MMP10: variants seen among roughly 807,000 people sequenced by gnomAD.
MMP10 encodes the protein matrix metallopeptidase 10.
MMP10 carries 50 observed loss-of-function variants against 49.1 expected under a neutral mutation model. That is an observed-to-expected ratio of 1.02 (90% CI 0.81 to 1.29). The LOEUF (loss-of-function observed/expected upper bound fraction) is 1.29, where lower values mean the gene tolerates loss of function less well. Among genes scored for constraint, MMP10 ranks in the 50% most tolerant of loss-of-function variants. The pLI is 0.00. For synonymous variants in MMP10, 229 were observed against 201.6 expected, an observed-to-expected ratio of 1.14 and a Z score of -1.15; for missense variants, 613 against 563.8, an observed-to-expected ratio of 1.09 and a Z score of -0.88.
chr11:102,773,954 G>T (rs1383866737), intron 7 of MMP10, among the ~76,000 whole-genome samples: 2 of 152,218 alleles, frequency 1.3e-5, no homozygotes, highest in East Asian at 3.8e-4. Context: ...ATATGTAAAT[G>T]TGAGATACAT....
At chr11:102,778,600 G>A (rs772996988) in intron 4 of MMP10, 24 bp downstream of exon 4, 16 of 1,611,646 alleles carry the variant, frequency 9.9e-6, no homozygotes, top group Non-Finnish European at 1.3e-5. Context: ...TTCCTGAAAT[G>A]TTCCCGAGAG....
Position 102,772,125 on chromosome 11 carries a change from A to C in MMP10, c.1227-10T>G. 6.6e-7 allele frequency: 1 copy of C among 1,522,414 alleles called. No homozygotes were observed. The allele number at this position is 1,522,414 out of a possible 1,614,324, so 94.3% of individuals were successfully genotyped here. A position where few individuals can be genotyped will look rare whatever the true frequency, so the allele number is the denominator to read the frequency against. The stretch of plus-strand genomic sequence containing the variant: ...GCTATTTTCATCAAATCTAAACCAA[A>C]TGAAAGAAATACAGTTCAATGATGT... On this transcript the variant is annotated splice_polypyrimidine_tract_variant and intron_variant, in intron 8 of 9. Coordinates refer to ENST00000279441, the MANE Select transcript of MMP10 (RefSeq NM_002425.3). This position sits in a 1 kb window ranked among gnomAD's most constrained non-coding sequence, Gnocchi z 4.4.
At chr11:102,771,403 A>G (rs1424526323) in intron 9 of MMP10, among the ~76,000 whole-genome samples, 1 of 152,218 alleles carries the variant, frequency 6.6e-6, no homozygotes, top group African/African-American at 2.4e-5. Flanking sequence ...TTTAGTAACA[A>G]GATCATCAGC....
Position 102,779,075 on chromosome 11 carries a change from C to T in MMP10, c.496+138G>A. 8 of 1,275,258 alleles carry T rather than the reference C, an allele frequency of 6.3e-6. 1 individual carries two copies. The highest frequency in any genetic ancestry group is 4.6e-5 in the South Asian group (3 of 64,940). 79.0% of individuals were successfully genotyped at this position (1,275,258 alleles called of 1,614,324 possible). A position where few individuals can be genotyped will look rare whatever the true frequency, so the allele number is the denominator to read the frequency against. On this transcript the variant is annotated intron_variant, in intron 3 of 9. Transcript: ENST00000279441. ...CATCAGACACTAAATCTGCTGGCAC[C>T]TTAATCTTGGACTTCCCAGCCTCCA...
At chr11:102,775,405 T>G in intron 6 of MMP10, 84 bp from the exon 7 acceptor site, 1 of 1,148,564 alleles carries the variant, frequency 8.7e-7, no homozygotes, top group Non-Finnish European at 1.2e-6. Context: ...TCCATGCTAA[T>G]TCACCCATTC....
Position 102,770,775 on chromosome 11 carries a change from G to A in MMP10, c.*18C>T. ...AGATTTATTAAAAACACCCATATCTGTCTTCCCCCTATCTCGCCTAGCAAT... is the reference window on the plus strand; with the variant it reads ...AGATTTATTAAAAACACCCATATCTATCTTCCCCCTATCTCGCCTAGCAAT... On this transcript the variant is annotated 3_prime_UTR_variant, in exon 10 of 10. Coordinates refer to ENST00000279441, the MANE Select transcript of MMP10 (RefSeq NM_002425.3). The A allele has an allele frequency of 6.6e-7, 1 of 1,506,736 alleles. No homozygotes were observed. The highest frequency in any genetic ancestry group is 9.1e-7 in the Non-Finnish European group (1 of 1,093,384). The allele number at this position is 1,506,736 out of a possible 1,614,324, so 93.3% of individuals were successfully genotyped here. A position where few individuals can be genotyped will look rare whatever the true frequency, so the allele number is the denominator to read the frequency against.
chr11:102,779,375 A>T lies in MMP10; in HGVS notation c.348-14T>A, dbSNP rs1857792284. ...TAATTCACAATCCTGGAGGAGAAAA[A>T]TTGAAGAGGATGTTATTTTCTCCTG... On this transcript the variant is annotated splice_polypyrimidine_tract_variant and intron_variant, in intron 2 of 9. Coordinates refer to ENST00000279441, the MANE Select transcript of MMP10 (RefSeq NM_002425.3). 1.9e-6 allele frequency: 3 copies of T among 1,612,664 alleles called. No individual in the cohort carries two copies. Among genetic ancestry groups the T allele is most frequent in the Non-Finnish European group, 2.5e-6 (3 of 1,179,688 alleles).
intron 1 of MMP10, 71 bp from the exon 2 acceptor site, chr11:102,779,816 G>T: frequency 2.0e-6 from 3 of 1,501,096 alleles, no homozygotes; most frequent in African/African-American, 1.4e-5. Flanking sequence ...ATAATCCATC[G>T]TAATTTTCCT....
At chr11:102,777,345 G>C (rs1857754999) in intron 4 of MMP10, among the ~76,000 whole-genome samples, 1 of 151,900 alleles carries the variant, frequency 6.6e-6, no homozygotes, top group Non-Finnish European at 1.5e-5. Flanking sequence ...CCAGGCTGGA[G>C]TATGTGTCCA....
At chr11:102,776,199 A>G (rs1857730029) in intron 6 of MMP10, 81 bp downstream of exon 6, 5 of 1,304,426 alleles carry the variant, frequency 3.8e-6, no homozygotes, top group African/African-American at 1.5e-5. Flanking sequence ...TTAAAAAAAA[A>G]GCTCTGTCAA....
chr11:102,775,382 CTT>C, intron 6 of MMP10, 61 bp from the exon 7 acceptor site: 1 of 1,407,516 alleles, frequency 7.1e-7, no homozygotes. Flanking sequence ...AAAAAAAATT[CTT>C]TTTTTTTAAA....
At chr11:102,780,058 T>G (rs1857805504) in intron 1 of MMP10, among the ~76,000 whole-genome samples, 1 of 152,224 alleles carries the variant, frequency 6.6e-6, no homozygotes, top group Non-Finnish European at 1.5e-5. Flanking sequence ...ACATTGTTAT[T>G]ATAGACCTGG....
At position 102,779,883 on chromosome 11, in the gene MMP10, C is replaced by A. The variant is rs544921690; in HGVS notation, c.106-138G>T. The A allele has an allele frequency of 2.2e-5, 21 of 967,570 alleles. No individual in the cohort carries two copies. The East Asian group carries it at 3.4e-4, about 16-fold the overall frequency. The allele number at this position is 967,570 out of a possible 1,614,324, so 59.9% of individuals were successfully genotyped here. A position where few individuals can be genotyped will look rare whatever the true frequency, so the allele number is the denominator to read the frequency against. Reference sequence around the variant, plus strand: ...TTTAATTTGATTTTTCATTAAGACTCCCCATTTCATACAAATTTTTAAATT... The same window carrying A: ...TTTAATTTGATTTTTCATTAAGACTACCCATTTCATACAAATTTTTAAATT... On this transcript the variant is annotated intron_variant, in intron 1 of 9. Coordinates refer to ENST00000279441, the MANE Select transcript of MMP10 (RefSeq NM_002425.3).
chr11:102,776,471 T>C, intron 5 of MMP10, 47 bp from the exon 6 acceptor site: 1 of 1,600,688 alleles, frequency 6.2e-7, no homozygotes, highest in East Asian at 2.2e-5. Flanking sequence ...AAAAATGTGA[T>C]GCATCTGTCA....
At chr11:102,779,478 A>G (rs1336019903) in intron 2 of MMP10, 26 bp downstream of exon 2, 3 of 1,612,366 alleles carry the variant, frequency 1.9e-6, no homozygotes, top group Non-Finnish European at 2.5e-6. Context: ...TTTCAATATT[A>G]TGTGAAAACT....
rs1275544127 is a variant in MMP10, at chr11:102,770,602, G to A, written c.*191C>T. 1 of 503,742 alleles carries A rather than the reference G, an allele frequency of 2.0e-6. No homozygotes were observed. Among genetic ancestry groups the A allele is most frequent in the African/African-American group, 2.0e-5 (1 of 50,728 alleles). The allele number at this position is 503,742 out of a possible 1,614,324, so 31.2% of individuals were successfully genotyped here. A position where few individuals can be genotyped will look rare whatever the true frequency, so the allele number is the denominator to read the frequency against. The stretch of plus-strand genomic sequence containing the variant: ...TTGCACATGAGTATTTCTTAATTCT[G>A]TTCAGTGCAATTCAAAAGCAAGTGA... On this transcript the variant is annotated 3_prime_UTR_variant, in exon 10 of 10. Coordinates refer to ENST00000279441, the MANE Select transcript of MMP10 (RefSeq NM_002425.3).
At position 102,776,776 on chromosome 11, in the gene MMP10, C is replaced by T. The variant is rs1385347247; in HGVS notation, c.623G>A (p.Gly208Asp). Residue 208 changes from glycine to aspartate, a missense_variant and splice_region_variant, in exon 5 of 10, where the codon GGC becomes GAC. Physicochemically the swap from Gly to Asp is moderately conservative, Grantham distance 94. Coordinates refer to ENST00000279441, the MANE Select transcript of MMP10 (RefSeq NM_002425.3). ...AGCAGCAACGAGGAATAAATTGGTG[C>T]CTGTATGAAAATCATAAATGTTCAG... ...DDEKWTEDAS[G>D]TNLFLVAAHE... 9 of 1,613,728 alleles carry T rather than the reference C, an allele frequency of 5.6e-6. No individual in the cohort carries two copies. Among genetic ancestry groups the T allele is most frequent in the Non-Finnish European group, 5.9e-6 (7 of 1,179,884 alleles).
chr11:102,774,506 A>C (rs1282487711), intron 7 of MMP10, among the ~76,000 whole-genome samples: 1 of 152,150 alleles, frequency 6.6e-6, no homozygotes, highest in Non-Finnish European at 1.5e-5. Context: ...CAGTATTAAG[A>C]ATGAAAAAGA....
chr11:102,771,724 G>C (rs1861977172), intron 9 of MMP10, among the ~76,000 whole-genome samples: 1 of 152,020 alleles, frequency 6.6e-6, no homozygotes, highest in African/African-American at 2.4e-5. Flanking sequence ...CCAACATAGT[G>C]ACCTGAAAGA....
Sources: gnomAD v4.1 joint callset for allele counts (sites outside exome capture counted in the v4.1 genomes callset) on GRCh38, gnomAD v4.1.1 for gene constraint, Gnocchi (gnomAD v3.1) non-coding constraint, MANE v1.5 for transcripts, NCBI Gene and HGNC (gene_info 2026-07-23, HGNC 2026-07-21) for gene names.